The following SLC3A2 variants were observed in gnomAD, a reference collection of about 807,000 sequenced individuals.
SLC3A2 encodes the protein solute carrier family 3 member 2, also known as amino acid transporter heavy chain SLC3A2.
Under a neutral mutation model 48.5 loss-of-function variants are expected in SLC3A2, and 32 were observed. The observed-to-expected ratio is 0.66, with a 90% CI of 0.50 to 0.89. The LOEUF (loss-of-function observed/expected upper bound fraction) is 0.89, where lower values mean the gene tolerates loss of function less well. SLC3A2 is among the 40% of genes least tolerant of loss of function. SLC3A2 has a pLI of 0.00. For synonymous variants in SLC3A2, 277 were observed against 288.8 expected (o/e 0.96, Z 0.41); for missense variants, 587 against 680.7 (o/e 0.86, Z 1.53).
At chr11:62,865,374 G>A (rs947932469) in intron 1 of SLC3A2, among the ~76,000 whole-genome samples, 13 of 151,920 alleles carry the variant, frequency 8.6e-5, no homozygotes, top group African/African-American at 3.1e-4. Context: ...CCAATGTGGC[G>A]AAACCCCATC....
At position 62,882,014 on chromosome 11, in the gene SLC3A2, T is replaced by C. The variant is rs1218628571; in HGVS notation, c.546T>C (p.Asn182=). 6.2e-7 allele frequency: 1 copy of C among 1,613,970 alleles called. No homozygotes were observed. The highest frequency in any genetic ancestry group is 1.3e-5 in the African/African-American group (1 of 74,878). Residue 182 remains asparagine (N), a synonymous_variant, in exon 2 of 9, where the codon AAT becomes AAC. Transcript: ENST00000338663. The part of the protein sequence containing the change: ...AQTDLLQIDP[N]FGSKEDFDSL... ...CTGACTTGCTGCAGATCGACCCCAA[T>C]TTTGGCTCCAAGGAAGATTTTGACA...
chr11:62,886,018 G>A (rs796286158), intron 7 of SLC3A2, among the ~76,000 whole-genome samples: 25 of 152,254 alleles, frequency 1.6e-4, no homozygotes, highest in African/African-American at 5.5e-4. Context: ...GGCTGGGCAC[G>A]GTGGCTCATG....
intron 1 of SLC3A2, among the ~76,000 whole-genome samples, chr11:62,862,484 C>T (rs1404460291): frequency 1.3e-5 from 2 of 151,920 alleles, no homozygotes; most frequent in Non-Finnish European, 2.9e-5. Context: ...ATGAAACCCC[C>T]ATCTCTACAG....
chr11:62,875,661 G>C (rs1442651335), intron 1 of SLC3A2, among the ~76,000 whole-genome samples: 1 of 152,202 alleles, frequency 6.6e-6, no homozygotes, highest in African/African-American at 2.4e-5. Flanking sequence ...CTGCCTCCCA[G>C]GTTCAAGCGA....
chr11:62,870,264 C>T (rs1344371893), intron 1 of SLC3A2, among the ~76,000 whole-genome samples: 1 of 151,896 alleles, frequency 6.6e-6, no homozygotes, highest in Non-Finnish European at 1.5e-5. Context: ...TCACTGCAAC[C>T]TCTGCCTCCC....
At chr11:62,870,826 C>T (rs1473877703) in intron 1 of SLC3A2, 1 of 215,112 alleles carries the variant, frequency 4.6e-6, no homozygotes, top group South Asian at 6.0e-5. Context: ...TCCCAGAATG[C>T]CGAGATGATA....
chr11:62,886,740 G>C (rs1565257141), intron 7 of SLC3A2, among the ~76,000 whole-genome samples: 1 of 151,378 alleles, frequency 6.6e-6, no homozygotes. Context: ...CAGGTGGTCT[G>C]GGAATACAGG....
At chr11:62,872,866 T>C (rs1437607893) in intron 1 of SLC3A2, among the ~76,000 whole-genome samples, 2 of 152,212 alleles carry the variant, frequency 1.3e-5, no homozygotes, top group Non-Finnish European at 2.9e-5. Flanking sequence ...CCTCCCAAAG[T>C]GTTGGGATTA....
At chr11:62,883,969 T>A (rs1013250246) in intron 3 of SLC3A2, 13 of 456,396 alleles carry the variant, frequency 2.8e-5, no homozygotes, top group Middle Eastern at 3.2e-4. Context: ...GAGCAGTTAT[T>A]GTACTCACAC....
Position 62,881,314 on chromosome 11 carries a change from T to C in SLC3A2, c.291T>C (p.Ala97=). 7 of 1,579,770 alleles carry C rather than the reference T, an allele frequency of 4.4e-6. No individual in the cohort carries two copies. Among genetic ancestry groups the C allele is most frequent in the South Asian group, 1.1e-5 (1 of 87,014 alleles). The change falls in exon 1 of 9, where the codon GCT becomes GCC. Residue 97 remains alanine (A), a synonymous_variant. Coordinates refer to ENST00000338663, the MANE Select transcript of SLC3A2 (RefSeq NM_001013251.3). The surrounding 1 kb of genome is among the most constrained non-coding windows in gnomAD (Gnocchi z 4.0). ...GGCTCGGCTGGCTCGGCATGCTTGC[T>C]GGTGCCGTGGTCATAATCGTGCGAG... The part of the protein sequence containing the change: ...LFWLGWLGML[A]GAVVIIVRAP...
chr11:62,888,302 C>G (rs762822762), intron 8 of SLC3A2, 29 bp from the exon 9 acceptor site: 1 of 1,609,944 alleles, frequency 6.2e-7, no homozygotes, highest in East Asian at 2.2e-5. Context: ...GCCCCTCACA[C>G]GCTTCTGCTA....
At chr11:62,857,909 G>A (rs2085356584) in intron 1 of SLC3A2, among the ~76,000 whole-genome samples, 1 of 152,006 alleles carries the variant, frequency 6.6e-6, no homozygotes, top group Non-Finnish European at 1.5e-5. Context: ...GCTAGAAAAA[G>A]AAGGAAGTGT....
chr11:62,868,365 CTTTT>C (rs1184700101), intron 1 of SLC3A2, among the ~76,000 whole-genome samples: 1 of 132,704 alleles, frequency 7.5e-6, no homozygotes, highest in Non-Finnish European at 1.6e-5. Context: ...TATTTTCATT[CTTTT>C]TTTTTTTTTT....
At chr11:62,873,969 A>ATTT (rs573491653) in intron 1 of SLC3A2, among the ~76,000 whole-genome samples, 14 of 38,898 alleles carry the variant, frequency 3.6e-4, no homozygotes, top group South Asian at 1.3e-3. Flanking sequence ...TGCCCAGCTA[A>ATTT]TTTTTTTTTT....
At chr11:62,859,484 C>G (rs968023705) in intron 1 of SLC3A2, among the ~76,000 whole-genome samples, 2 of 152,142 alleles carry the variant, frequency 1.3e-5, no homozygotes, top group African/African-American at 2.4e-5. Context: ...ACATTAGAGA[C>G]CAGCATGGCC....
chr11:62,885,380 AG>A, intron 6 of SLC3A2, 23 bp downstream of exon 6: 1 of 1,614,054 alleles, frequency 6.2e-7, no homozygotes, highest in Non-Finnish European at 8.5e-7. Flanking sequence ...CTGGTGGGAA[AG>A]GGGGCAGATG....
At chr11:62,880,654 C>T, upstream of SLC3A2, 1 of 205,690 alleles carries the variant, frequency 4.9e-6, no homozygotes, top group South Asian at 8.6e-5. Flanking sequence ...GGATCACAGG[C>T]CTAGTCCACT....
In SLC3A2 at chr11:62,888,527, C is replaced by T. The variant is rs1362206790; in HGVS notation, c.1424C>T (p.Ala475Val). The T allele has an allele frequency of 6.2e-7, 1 of 1,614,208 alleles. No homozygotes were observed. Among genetic ancestry groups the T allele is most frequent in the South Asian group, 1.1e-5 (1 of 91,088 alleles). The change falls in exon 9 of 9, where the codon GCT becomes GTT. Residue 475 changes from alanine to valine, a missense_variant. By Grantham distance (64) the Ala-to-Val change is moderately conservative (BLOSUM62 0). Transcript: ENST00000338663. ...VLNFGDVGLS[A>V]GLQASDLPAS... Reference sequence around the variant, plus strand: ...AACTTTGGGGATGTGGGCCTCTCGGCTGGACTGCAGGCCTCCGACCTGCCT... The same window carrying T: ...AACTTTGGGGATGTGGGCCTCTCGGTTGGACTGCAGGCCTCCGACCTGCCT...
intron 1 of SLC3A2, among the ~76,000 whole-genome samples, chr11:62,875,155 G>C (rs1036388994): frequency 6.6e-6 from 1 of 152,194 alleles, no homozygotes; most frequent in African/African-American, 2.4e-5. Context: ...TTGGAATAGA[G>C]TCTTGGGCTT....
Sources: allele counts gnomAD v4.1 joint callset (sites outside exome capture counted in the v4.1 genomes callset), GRCh38; gene constraint gnomAD v4.1.1; non-coding constraint Gnocchi (gnomAD v3.1); transcripts MANE v1.5; gene names NCBI Gene and HGNC (gene_info 2026-07-23, HGNC 2026-07-21).